The following RNF17 variants were observed in gnomAD, a reference collection of about 807,000 sequenced individuals.
RNF17 encodes the protein ring finger protein 17.
In RNF17, 31 loss-of-function variants were observed where a neutral mutation model predicts 200.5. The ratio of observed to expected loss-of-function variants is 0.15; its 90% CI spans 0.12 to 0.21. RNF17 has a LOEUF of 0.21. RNF17 is among the 10% of genes least tolerant of loss of function. The probability of loss-of-function intolerance (pLI) is 1.00; values close to 1 mark genes in which losing one functional copy is unlikely to be tolerated. For synonymous variants in RNF17, 606 were observed against 637.8 expected (o/e 0.95, Z 0.75); for missense variants, 1,628 against 1,905.1 (o/e 0.85, Z 2.71).
intron 30 of RNF17, among the ~76,000 whole-genome samples, chr13:24,867,915 A>G (rs1390733703): frequency 6.6e-6 from 1 of 152,188 alleles, no homozygotes; most frequent in Non-Finnish European, 1.5e-5. Flanking sequence ...AAATACAGCA[A>G]AAATGTATAA....
chr13:24,767,236 C>CATT lies in RNF17; in HGVS notation c.131-34_131-33insTAT, dbSNP rs1381482821. Reference sequence around the variant, plus strand: ...AAGACCCTGTCTCAATAATCATCATCATCATCAAAATAATAATTAAGAATT... The same window carrying CATT: ...AAGACCCTGTCTCAATAATCATCATCATTATCATCAAAATAATAATTAAGAATT... On this transcript the variant is annotated intron_variant, in intron 1 of 35. Coordinates refer to ENST00000255324, the MANE Select transcript of RNF17 (RefSeq NM_031277.3). 2.8e-6 allele frequency: 4 copies of CATT among 1,407,858 alleles called. No homozygotes were observed. The South Asian group carries it at 4.7e-5, about 17-fold the overall frequency. The allele number at this position is 1,407,858 out of a possible 1,614,324, so 87.2% of individuals were successfully genotyped here.
chr13:24,756,084 G>A, the RNF17 span, among the ~76,000 whole-genome samples: 3 of 152,088 alleles, frequency 2.0e-5, no homozygotes, highest in Non-Finnish European at 2.9e-5. Flanking sequence ...CATTAAATAA[G>A]TATCTTCTCT....
At chr13:24,826,970 G>T (rs1281865902) in intron 16 of RNF17, among the ~76,000 whole-genome samples, 3 of 152,042 alleles carry the variant, frequency 2.0e-5, no homozygotes, top group Non-Finnish European at 2.9e-5. Context: ...TGAGGCAGGA[G>T]AATCACTTGA....
intron 15 of RNF17, among the ~76,000 whole-genome samples, chr13:24,813,690 G>T (rs1473869897): frequency 6.6e-6 from 1 of 151,892 alleles, no homozygotes; most frequent in East Asian, 1.9e-4. Context: ...GAGTGCAGTG[G>T]CAAGATCATA....
In RNF17 at chr13:24,873,982, G is replaced by T. The variant is rs8001764; in HGVS notation, c.4448-132G>T. ...GTTGATGGACACCTGGGTTGATTCC[G>T]TATCTTGGCTATTGTGAATAGTGCT... On this transcript the variant is annotated intron_variant, in intron 32 of 35. Transcript: ENST00000255324. 3.7e-4 allele frequency: 294 copies of T among 803,462 alleles called. 1 individual carries two copies. The African/African-American group carries it at 4.9e-3, about 13-fold the overall frequency. 49.8% of individuals were successfully genotyped at this position (803,462 alleles called of 1,614,324 possible).
the RNF17 span, chr13:24,886,384 G>A: frequency 7.8e-7 from 1 of 1,288,710 alleles, no homozygotes; most frequent in Non-Finnish European, 1.0e-6. Context: ...GCTGTGCTGT[G>A]CCTGTGAGAC....
chr13:24,824,057 T>TA (rs1888375568), intron 15 of RNF17: 1 of 618,730 alleles, frequency 1.6e-6, no homozygotes, highest in Admixed American at 2.7e-5. Flanking sequence ...TGCCACTGCT[T>TA]AAGACCAAGA....
At position 24,854,100 on chromosome 13, in the gene RNF17, G is replaced by T. The variant is rs1294819384; in HGVS notation, c.3566G>T (p.Cys1189Phe). The stretch of plus-strand genomic sequence containing the variant: ...AACGTATTTGAGGCAACAGTCAGCT[G>T]TGTTGGTGATGATGGAACTATATTT... ...NMNVFEATVS[C>F]VGDDGTIFVV... Residue 1189 changes from cysteine (C) to phenylalanine (F), a missense_variant, in exon 25 of 36, where the codon TGT becomes TTT. Physicochemically the swap from Cys to Phe is radical, Grantham distance 205. This residue lies in a region of RNF17 where 609 missense variants were observed against 681.9 expected (regional missense o/e 0.89). Coordinates refer to ENST00000255324, the MANE Select transcript of RNF17 (RefSeq NM_031277.3). The T allele has an allele frequency of 1.9e-6, 3 of 1,613,802 alleles. No homozygotes were observed. Among genetic ancestry groups the T allele is most frequent in the Non-Finnish European group, 2.5e-6 (3 of 1,179,864 alleles).
intron 18 of RNF17, among the ~76,000 whole-genome samples, chr13:24,836,566 CA>C (rs1339151108): frequency 6.6e-6 from 1 of 152,162 alleles, no homozygotes; most frequent in Non-Finnish European, 1.5e-5. Flanking sequence ...CCTCCTCAAA[CA>C]AAACAATTTA....
intron 29 of RNF17, 40 bp from the exon 30 acceptor site, chr13:24,866,104 A>G (rs371719744): frequency 4.6e-6 from 5 of 1,098,332 alleles, no homozygotes; most frequent in Non-Finnish European, 5.5e-6. Flanking sequence ...TTAAAACAAT[A>G]TAGCTAAAGG....
chr13:24,819,097 T>TTG (rs1887739825), intron 15 of RNF17, among the ~76,000 whole-genome samples: 3 of 152,178 alleles, frequency 2.0e-5, no homozygotes, highest in Admixed American at 2.0e-4. Context: ...ACTTCAGTAG[T>TTG]GTTAACCATA....
the RNF17 span, chr13:24,750,829 T>C: frequency 6.6e-6 from 1 of 152,186 alleles, no homozygotes; most frequent in African/African-American, 2.4e-5. Context: ...TATTTGTTCA[T>C]TATCCCCTTT....
intron 15 of RNF17, among the ~76,000 whole-genome samples, chr13:24,821,660 T>C (rs1183001725): frequency 6.6e-6 from 1 of 152,184 alleles, no homozygotes; most frequent in Non-Finnish European, 1.5e-5. Flanking sequence ...CCTTAGTTAT[T>C]ATACTTTTGA....
At chr13:24,816,073 T>C (rs1018874766) in intron 15 of RNF17, among the ~76,000 whole-genome samples, 1 of 152,128 alleles carries the variant, frequency 6.6e-6, no homozygotes, top group Non-Finnish European at 1.5e-5. Context: ...TTTTACAATT[T>C]TTTTATTTTA....
In RNF17 at chr13:24,812,062, G is replaced by A. The variant is rs370550587; in HGVS notation, c.2091+7633G>A. 5.3e-5 allele frequency among the ~76,000 whole-genome samples: 8 copies of A among 151,170 alleles called. No homozygotes were observed. In the East Asian group the frequency reaches 6.0e-4, roughly 11 times the overall value. On this transcript the variant is annotated intron_variant, in intron 15 of 35. Transcript: ENST00000255324. ...CTCTTCAAAGCTGTCAGACAGGGAC[G>A]TTTAAGTCTGCAGAGGTTACTGCTG...
chr13:24,809,227 T>C lies in RNF17; in HGVS notation c.2091+4798T>C, dbSNP rs1225771957. ...ATAGTTTCAGAAGGAATGGTACCAG[T>C]TCCTCCTTGTACCTCTGGTAGAATT... On this transcript the variant is annotated intron_variant, in intron 15 of 35. Transcript: ENST00000255324. 3.3e-5 allele frequency among the ~76,000 whole-genome samples: 5 copies of C among 150,036 alleles called. No homozygotes were observed. The East Asian group carries it at 6.0e-4, about 18-fold the overall frequency.
At chr13:24,755,561 C>T in the RNF17 span, among the ~76,000 whole-genome samples, 2 of 152,130 alleles carry the variant, frequency 1.3e-5, no homozygotes, top group African/African-American at 4.8e-5. Context: ...ATCTTGAAAC[C>T]TAGTTAAGCT....
chr13:24,792,975 G>A (rs190521849), intron 9 of RNF17, 67 bp from the exon 10 acceptor site: 2 of 1,095,414 alleles, frequency 1.8e-6, no homozygotes, highest in East Asian at 4.8e-5. Context: ...GGAGTTTCTA[G>A]TGACTTATTC....
At chr13:24,804,254 C>A (rs777327803) in intron 14 of RNF17, 34 bp from the exon 15 acceptor site, 3 of 1,595,018 alleles carry the variant, frequency 1.9e-6, no homozygotes, top group African/African-American at 1.3e-5. Context: ...CAGGGTGAGA[C>A]CCTGCTTACG....
Sources: gnomAD v4.1 joint callset for allele counts (sites outside exome capture counted in the v4.1 genomes callset) on GRCh38, gnomAD v4.1.1 for gene constraint, gnomAD v4.1.1 regional missense constraint, MANE v1.5 for transcripts, NCBI Gene and HGNC (gene_info 2026-07-23, HGNC 2026-07-21) for gene names.